The following AGBL4 variants were observed in gnomAD, a reference collection of about 807,000 sequenced individuals.
AGBL4 encodes AGBL carboxypeptidase 4.
AGBL4 carries 58 observed loss-of-function variants against 66.4 expected under a neutral mutation model. The observed-to-expected ratio is 0.87, with a 90% CI of 0.71 to 1.09. AGBL4 has a LOEUF of 1.09. AGBL4 is among the 50% of genes least tolerant of loss of function. The pLI is 0.00. For synonymous variants in AGBL4, 234 were observed against 222.9 expected (o/e 1.05, Z -0.44); for missense variants, 579 against 631.0 (o/e 0.92, Z 0.88).
intron 7 of AGBL4, among the ~76,000 whole-genome samples, chr1:48,662,513 A>T (rs192934736): frequency 1.3e-5 from 2 of 152,348 alleles, no homozygotes; most frequent in East Asian, 3.9e-4. Flanking sequence ...AACTTCTCTA[A>T]ACTTCAGCTT....
intron 3 of AGBL4, among the ~76,000 whole-genome samples, chr1:49,467,287 T>C (rs1046969496): frequency 6.6e-6 from 1 of 151,850 alleles, no homozygotes; most frequent in Non-Finnish European, 1.5e-5. Flanking sequence ...CTTTATGTGT[T>C]GTTTAGAAAG....
At chr1:49,546,839 C>T (rs1440387521) in intron 3 of AGBL4, among the ~76,000 whole-genome samples, 1 of 151,882 alleles carries the variant, frequency 6.6e-6, no homozygotes, top group Non-Finnish European at 1.5e-5. Flanking sequence ...TGCTTAGCCC[C>T]GTTTTTGATG....
intron 3 of AGBL4, among the ~76,000 whole-genome samples, chr1:49,633,386 A>G (rs1485040103): frequency 6.6e-6 from 1 of 152,248 alleles, no homozygotes; most frequent in Non-Finnish European, 1.5e-5. Context: ...CTCAAGGAAG[A>G]TTTGTTAAAA....
rs374217565 is a variant in AGBL4, at chr1:49,822,341, T to G, written c.157+29055A>C. Among the ~76,000 whole-genome samples, 122 of 143,626 alleles carry G rather than the reference T, an allele frequency of 8.5e-4. 1 individual carries two copies. The highest frequency in any genetic ancestry group is 3.6e-3 in the Middle Eastern group (1 of 276). The allele number at this position is 143,626 out of a possible 152,430, so 94.2% of individuals were successfully genotyped here. A position where few individuals can be genotyped will look rare whatever the true frequency, so the allele number is the denominator to read the frequency against. Reference sequence around the variant, plus strand: ...TGTGTGTGTGTGTGTGTGTGTGTGTTTGTGTGAGACGGAGTCTCGCTCTGT... The same window carrying G: ...TGTGTGTGTGTGTGTGTGTGTGTGTGTGTGTGAGACGGAGTCTCGCTCTGT... On this transcript the variant is annotated intron_variant, in intron 2 of 13. Transcript: ENST00000371839.
intron 3 of AGBL4, among the ~76,000 whole-genome samples, chr1:49,253,850 G>C (rs1216113800): frequency 6.6e-6 from 1 of 152,152 alleles, no homozygotes; most frequent in Non-Finnish European, 1.5e-5. Context: ...TAAGATGCAA[G>C]GTTGGTTCAA....
chr1:49,191,793 T>C (rs1326281056), intron 4 of AGBL4, among the ~76,000 whole-genome samples: 3 of 152,184 alleles, frequency 2.0e-5, no homozygotes. Context: ...GAGATGATGT[T>C]GTTCTTTTTT....
intron 5 of AGBL4, among the ~76,000 whole-genome samples, chr1:49,039,782 A>G (rs1643894909): frequency 6.6e-6 from 1 of 152,114 alleles, no homozygotes; most frequent in African/African-American, 2.4e-5. Context: ...TCTGTTAGAC[A>G]AGAGTTCTTA....
intron 2 of AGBL4, among the ~76,000 whole-genome samples, chr1:49,738,916 A>G (rs536919836): frequency 6.6e-6 from 1 of 152,350 alleles, no homozygotes; most frequent in South Asian, 2.1e-4. Context: ...CGTCACCATC[A>G]TCAAAGACCA....
intron 2 of AGBL4, among the ~76,000 whole-genome samples, chr1:49,763,922 C>A (rs1652530750): frequency 6.6e-6 from 1 of 152,138 alleles, no homozygotes; most frequent in African/African-American, 2.4e-5. Context: ...CACATGAGAC[C>A]CCCATGCCCC....
intron 1 of AGBL4, among the ~76,000 whole-genome samples, chr1:50,001,503 G>GTA (rs1413007937): frequency 7.6e-6 from 1 of 132,110 alleles, no homozygotes; most frequent in African/African-American, 2.7e-5. Context: ...ATGTATGTGT[G>GTA]TGTGTATATA....
intron 6 of AGBL4, among the ~76,000 whole-genome samples, chr1:48,793,605 T>C (rs1369530143): frequency 1.3e-5 from 2 of 152,180 alleles, no homozygotes; most frequent in Non-Finnish European, 2.9e-5. Flanking sequence ...GGCTCTTTTA[T>C]TTATGTTCTC....
intron 3 of AGBL4, among the ~76,000 whole-genome samples, chr1:49,528,273 T>C (rs1378962465): frequency 6.6e-6 from 1 of 152,088 alleles, no homozygotes; most frequent in African/African-American, 2.4e-5. Context: ...TAAGTACTCA[T>C]GGTACTTATG....
At chr1:48,739,432 C>T (rs1409055857) in intron 6 of AGBL4, among the ~76,000 whole-genome samples, 1 of 152,186 alleles carries the variant, frequency 6.6e-6, no homozygotes, top group African/African-American at 2.4e-5. Flanking sequence ...CCATTCTGTT[C>T]ACTACTACTT....
intron 3 of AGBL4, among the ~76,000 whole-genome samples, chr1:49,362,075 C>T (rs1381783551): frequency 6.6e-6 from 1 of 152,100 alleles, no homozygotes; most frequent in Non-Finnish European, 1.5e-5. Flanking sequence ...AATAGTCAAC[C>T]TTGATTTTTC....
intron 6 of AGBL4, among the ~76,000 whole-genome samples, chr1:48,693,127 G>C (rs1646659264): frequency 6.9e-6 from 1 of 145,974 alleles, no homozygotes; most frequent in Non-Finnish European, 1.6e-5. Context: ...CAAAGCTCTT[G>C]GTTGCTTTCT....
intron 2 of AGBL4, among the ~76,000 whole-genome samples, chr1:49,835,321 T>C (rs1239139893): frequency 5.9e-5 from 9 of 152,222 alleles, no homozygotes; most frequent in Admixed American, 5.9e-4. Context: ...TTTACCATTA[T>C]GTATTACCCT....
chr1:49,807,326 C>T (rs1427475768), intron 2 of AGBL4, among the ~76,000 whole-genome samples: 3 of 152,172 alleles, frequency 2.0e-5, no homozygotes, highest in Non-Finnish European at 2.9e-5. Context: ...GAAATAGGAT[C>T]TCTCCCCTGG....
intron 2 of AGBL4, among the ~76,000 whole-genome samples, chr1:49,702,811 A>G (rs1647124766): frequency 1.3e-5 from 2 of 152,282 alleles, no homozygotes; most frequent in South Asian, 4.1e-4. Context: ...CAACTAATGC[A>G]ATATAACACA....
At chr1:48,741,694 C>A (rs911644111) in intron 6 of AGBL4, among the ~76,000 whole-genome samples, 2 of 152,210 alleles carry the variant, frequency 1.3e-5, no homozygotes, top group African/African-American at 4.8e-5. Context: ...ATTTTTCTTT[C>A]TCATCAACCT....
Sources: allele counts gnomAD v4.1 joint callset (sites outside exome capture counted in the v4.1 genomes callset), GRCh38; gene constraint gnomAD v4.1.1; transcripts MANE v1.5; gene names NCBI Gene and HGNC (gene_info 2026-07-23, HGNC 2026-07-21).